Variants in ST6GALNAC3 observed in about 807,000 individuals in gnomAD.
ST6GALNAC3 encodes ST6 N-acetylgalactosaminide alpha-2,6-sialyltransferase 3.
Under a neutral mutation model 32.7 loss-of-function variants are expected in ST6GALNAC3, and 25 were observed. The ratio of observed to expected loss-of-function variants is 0.76; its 90% CI spans 0.56 to 1.07. The LOEUF (loss-of-function observed/expected upper bound fraction) is 1.07, where lower values mean the gene tolerates loss of function less well. Among genes scored for constraint, ST6GALNAC3 ranks in the 50% least tolerant of loss-of-function variants. ST6GALNAC3 has a pLI of 0.00. For missense variants in ST6GALNAC3, 355 were observed against 382.4 expected (o/e 0.93, Z 0.60); for synonymous variants, 129 against 133.1 (o/e 0.97, Z 0.21).
At chr1:76,486,500 G>A (rs893489978) in intron 3 of ST6GALNAC3, among the ~76,000 whole-genome samples, 27 of 151,838 alleles carry the variant, frequency 1.8e-4, no homozygotes, top group African/African-American at 4.8e-4. Context: ...GTCTCTTTTC[G>A]TCTTTGTTGG....
chr1:76,393,879 A>G (rs1321683031), intron 2 of ST6GALNAC3, among the ~76,000 whole-genome samples: 2 of 152,180 alleles, frequency 1.3e-5, no homozygotes, highest in African/African-American at 4.8e-5. Context: ...GAGAAATGAG[A>G]AGAGATAAAC....
At chr1:76,245,834 G>A (rs1657227088) in intron 1 of ST6GALNAC3, among the ~76,000 whole-genome samples, 1 of 152,076 alleles carries the variant, frequency 6.6e-6, no homozygotes, top group African/African-American at 2.4e-5. Context: ...AAATTATGTG[G>A]TCAATTTTAG....
At chr1:76,153,807 T>A (rs2100341059) in intron 1 of ST6GALNAC3, among the ~76,000 whole-genome samples, 1 of 152,322 alleles carries the variant, frequency 6.6e-6, no homozygotes, top group Admixed American at 6.5e-5. Context: ...CCAATGCCTC[T>A]GAGCCCCTTC....
rs1422457846 is a variant in ST6GALNAC3 at position 76,421,747 on chromosome 1, T to C, written c.623+9330T>C. ...AAAGAAAAAATTGGTAGTTGTGTCT[T>C]TCAACCAACTGCATAAATGAAGAAT... On this transcript the variant is annotated intron_variant, in intron 3 of 4. Coordinates refer to ENST00000328299, the MANE Select transcript of ST6GALNAC3 (RefSeq NM_152996.4). Among the ~76,000 whole-genome samples the C allele has an allele frequency of 2.0e-5, 3 of 152,048 alleles. No homozygotes were observed. In the East Asian group the frequency reaches 5.8e-4, roughly 29 times the overall value.
At chr1:76,080,515 TG>T (rs1646878853) in intron 1 of ST6GALNAC3, among the ~76,000 whole-genome samples, 2 of 149,500 alleles carry the variant, frequency 1.3e-5, no homozygotes, top group South Asian at 2.1e-4. Context: ...GATCTGGGGT[TG>T]GGGGGATGGG....
intron 3 of ST6GALNAC3, among the ~76,000 whole-genome samples, chr1:76,612,387 T>C (rs558907173): frequency 3.9e-5 from 6 of 152,222 alleles, no homozygotes; most frequent in African/African-American, 9.6e-5. Flanking sequence ...AAAGACAACA[T>C]GCAGAAAGAG....
chr1:76,622,634 CAAAG>C (rs978031372), intron 3 of ST6GALNAC3, among the ~76,000 whole-genome samples: 1 of 151,932 alleles, frequency 6.6e-6, no homozygotes, highest in Admixed American at 6.6e-5. Flanking sequence ...CACTGCACAA[CAAAG>C]AGTTATCCTG....
intron 2 of ST6GALNAC3, among the ~76,000 whole-genome samples, chr1:76,338,832 T>C (rs563842127): frequency 1.3e-5 from 2 of 152,278 alleles, no homozygotes; most frequent in East Asian, 3.9e-4. Context: ...ATTCTCTTTG[T>C]TGACAAATAA....
At chr1:76,535,858 A>G (rs1055251828) in intron 3 of ST6GALNAC3, among the ~76,000 whole-genome samples, 11 of 152,268 alleles carry the variant, frequency 7.2e-5, no homozygotes, top group African/African-American at 2.4e-4. Context: ...TTTGTCTTAA[A>G]GAAAAAATCA....
intron 3 of ST6GALNAC3, among the ~76,000 whole-genome samples, chr1:76,512,573 C>A (rs1261759453): frequency 6.6e-6 from 1 of 152,116 alleles, no homozygotes; most frequent in Non-Finnish European, 1.5e-5. Context: ...AGTGGTGGAA[C>A]ATTCAAAAGC....
chr1:76,209,516 T>C (rs1220348374), intron 1 of ST6GALNAC3, among the ~76,000 whole-genome samples: 1 of 152,184 alleles, frequency 6.6e-6, no homozygotes, highest in Non-Finnish European at 1.5e-5. Flanking sequence ...AAAGGTATCA[T>C]GTGGGCTAGC....
intron 3 of ST6GALNAC3, among the ~76,000 whole-genome samples, chr1:76,531,876 G>A (rs998568725): frequency 2.6e-5 from 4 of 152,188 alleles, no homozygotes; most frequent in African/African-American, 7.2e-5. Context: ...AGTTTGCGGC[G>A]CTCCCTAGGT....
At chr1:76,459,603 G>A (rs1441193526) in intron 3 of ST6GALNAC3, among the ~76,000 whole-genome samples, 2 of 151,878 alleles carry the variant, frequency 1.3e-5, no homozygotes, top group Non-Finnish European at 1.5e-5. Context: ...ATGGGCTGTT[G>A]AGGGAGTAGC....
intron 1 of ST6GALNAC3, among the ~76,000 whole-genome samples, chr1:76,294,638 G>C (rs978684896): frequency 6.6e-6 from 1 of 151,872 alleles, no homozygotes; most frequent in Admixed American, 6.6e-5. Flanking sequence ...ATTTCTGGGC[G>C]GTAAAAGGCA....
At chr1:76,556,397 CTG>C (rs2100398933) in intron 3 of ST6GALNAC3, among the ~76,000 whole-genome samples, 1 of 152,098 alleles carries the variant, frequency 6.6e-6, no homozygotes, top group South Asian at 2.1e-4. Context: ...AAATACCTGC[CTG>C]TGAGTGGAAT....
chr1:76,183,228 G>A (rs898556681), intron 1 of ST6GALNAC3, among the ~76,000 whole-genome samples: 12 of 152,074 alleles, frequency 7.9e-5, no homozygotes, highest in African/African-American at 2.9e-4. Context: ...AGGAGATTTT[G>A]TACAAATTTT....
At chr1:76,592,754 T>A (rs1647068678) in intron 3 of ST6GALNAC3, among the ~76,000 whole-genome samples, 1 of 152,152 alleles carries the variant, frequency 6.6e-6, no homozygotes, top group Admixed American at 6.5e-5. Flanking sequence ...CTTGACAAAC[T>A]AGCTATCATA....
chr1:76,565,175 C>T (rs1665479997), intron 3 of ST6GALNAC3, among the ~76,000 whole-genome samples: 1 of 152,104 alleles, frequency 6.6e-6, no homozygotes, highest in African/African-American at 2.4e-5. Context: ...ATTAAGGGGG[C>T]TGCCTATGCT....
At chr1:76,314,757 T>G (rs970488805) in intron 2 of ST6GALNAC3, among the ~76,000 whole-genome samples, 6 of 152,192 alleles carry the variant, frequency 3.9e-5, no homozygotes, top group Non-Finnish European at 7.4e-5. Flanking sequence ...AATGTGAGTT[T>G]AATATTCAGA....
Sources: gnomAD v4.1 joint callset for allele counts (sites outside exome capture counted in the v4.1 genomes callset) on GRCh38, gnomAD v4.1.1 for gene constraint, MANE v1.5 for transcripts, NCBI Gene and HGNC (gene_info 2026-07-23, HGNC 2026-07-21) for gene names.